STAG1: variants seen among roughly 807,000 people sequenced by gnomAD.
The protein encoded by STAG1 is cohesin subunit SA-1.
In STAG1, 26 loss-of-function variants were observed where a neutral mutation model predicts 170.9. The ratio of observed to expected loss-of-function variants is 0.15; its 90% CI spans 0.11 to 0.21. The LOEUF is 0.21. Ranked by LOEUF, STAG1 falls within the 10% of genes least tolerant of loss-of-function variation. The probability of loss-of-function intolerance (pLI) is 1.00; values close to 1 mark genes in which losing one functional copy is unlikely to be tolerated. For missense variants in STAG1, 964 were observed against 1,509.5 expected, an observed-to-expected ratio of 0.64 and a Z score of 5.99; for synonymous variants, 514 against 497.7, an observed-to-expected ratio of 1.03 and a Z score of -0.44.
chr3:136,560,851 C>G (rs1206056658), intron 5 of STAG1, among the ~76,000 whole-genome samples: 1 of 152,192 alleles, frequency 6.6e-6, no homozygotes, highest in African/African-American at 2.4e-5. Context: ...GTTGTTCATA[C>G]TATTCACTCA....
At chr3:136,385,973 C>A (rs554856667) in intron 22 of STAG1, among the ~76,000 whole-genome samples, 10 of 152,304 alleles carry the variant, frequency 6.6e-5, no homozygotes, top group African/African-American at 2.4e-4. Context: ...AAGCGCTGGG[C>A]TTACGGGCAT....
chr3:136,360,741 T>A (rs186049440), intron 26 of STAG1, among the ~76,000 whole-genome samples: 1 of 152,250 alleles, frequency 6.6e-6, no homozygotes, highest in East Asian at 1.9e-4. Flanking sequence ...TGATCTTGGC[T>A]CACTGCAAGC....
chr3:136,469,117 G>C (rs1437575467), intron 12 of STAG1, among the ~76,000 whole-genome samples: 3 of 152,238 alleles, frequency 2.0e-5, no homozygotes, highest in Non-Finnish European at 4.4e-5. Flanking sequence ...ATTCAACATA[G>C]TGTTGGAAGT....
Position 136,683,190 on chromosome 3 carries a change from A to G in STAG1, c.-83-52209T>C, listed in dbSNP as rs551107567. 2.0e-4 allele frequency among the ~76,000 whole-genome samples: 30 copies of G among 152,280 alleles called. No homozygotes were observed. In the South Asian group the frequency reaches 6.2e-3, roughly 32 times the overall value. ...AGTTCTAGAGATTGGTTGCACAACAATGGGAATATATTTAAATATTACCAA... is the reference window on the plus strand; with the variant it reads ...AGTTCTAGAGATTGGTTGCACAACAGTGGGAATATATTTAAATATTACCAA... On this transcript the variant is annotated intron_variant, in intron 1 of 33. Coordinates refer to ENST00000383202, the MANE Select transcript of STAG1 (RefSeq NM_005862.3).
chr3:136,377,386 CAAAA>C (rs57934830), intron 23 of STAG1, among the ~76,000 whole-genome samples: 2 of 42,582 alleles, frequency 4.7e-5, no homozygotes, highest in African/African-American at 1.2e-4. Flanking sequence ...GACTCTGTCT[CAAAA>C]AAAAAAAAAA....
intron 16 of STAG1, among the ~76,000 whole-genome samples, chr3:136,425,284 A>G (rs2088084429): frequency 6.6e-6 from 1 of 152,216 alleles, no homozygotes; most frequent in East Asian, 1.9e-4. Flanking sequence ...ACTGATTTCC[A>G]GGATACACTG....
chr3:136,719,974 C>T (rs1362655440), intron 1 of STAG1, among the ~76,000 whole-genome samples: 11 of 151,836 alleles, frequency 7.2e-5, no homozygotes, highest in African/African-American at 2.4e-4. Flanking sequence ...GCCAGGAGTT[C>T]GAGACCAGCA....
At chr3:136,435,330 A>G (rs933605077) in intron 15 of STAG1, among the ~76,000 whole-genome samples, 6 of 152,220 alleles carry the variant, frequency 3.9e-5, no homozygotes, top group African/African-American at 1.4e-4. Flanking sequence ...AGACAGGGAG[A>G]ATGAGCCACA....
At chr3:136,581,488 G>A (rs919693217) in intron 4 of STAG1, among the ~76,000 whole-genome samples, 3 of 152,044 alleles carry the variant, frequency 2.0e-5, no homozygotes, top group Non-Finnish European at 2.9e-5. Flanking sequence ...TCAAAGAAAC[G>A]CAAATAGACC....
intron 4 of STAG1, among the ~76,000 whole-genome samples, chr3:136,582,752 T>C (rs1450285300): frequency 1.3e-5 from 2 of 152,008 alleles, no homozygotes; most frequent in Admixed American, 6.5e-5. Context: ...TGAGCAGAGA[T>C]CAAGCCACTG....
intron 7 of STAG1, among the ~76,000 whole-genome samples, chr3:136,514,995 G>C (rs2107893129): frequency 6.6e-6 from 1 of 152,090 alleles, no homozygotes; most frequent in East Asian, 1.9e-4. Context: ...AACCAACATG[G>C]CACATGTATA....
chr3:136,411,688 C>T (rs1035409927), intron 21 of STAG1, among the ~76,000 whole-genome samples: 2 of 152,148 alleles, frequency 1.3e-5, no homozygotes, highest in African/African-American at 4.8e-5. Flanking sequence ...TGGTGGCTCA[C>T]ATCTGTAATC....
chr3:136,634,626 AAAG>A (rs1940477078), intron 1 of STAG1, among the ~76,000 whole-genome samples: 1 of 151,918 alleles, frequency 6.6e-6, no homozygotes, highest in Non-Finnish European at 1.5e-5. Flanking sequence ...AAAAAAAAAA[AAAG>A]CTCAAATAAA....
intron 9 of STAG1, among the ~76,000 whole-genome samples, chr3:136,484,331 C>G (rs1401573656): frequency 6.7e-6 from 1 of 148,966 alleles, no homozygotes; most frequent in Non-Finnish European, 1.5e-5. Flanking sequence ...GTTGGAATAC[C>G]CTGCCGTGTG....
At chr3:136,656,617 T>TGTG (rs1941381695) in intron 1 of STAG1, among the ~76,000 whole-genome samples, 2 of 143,294 alleles carry the variant, frequency 1.4e-5, no homozygotes, top group Non-Finnish European at 3.0e-5. Flanking sequence ...CTGTATTTAT[T>TGTG]TGTGTGTGTG....
intron 5 of STAG1, among the ~76,000 whole-genome samples, chr3:136,551,428 A>AATTTTTT (rs1936396829): frequency 8.5e-6 from 1 of 117,508 alleles, no homozygotes; most frequent in Admixed American, 9.7e-5. Flanking sequence ...CATCTGGCTA[A>AATTTTTT]TTTTTTTTTT....
intron 25 of STAG1, 87 bp from the exon 26 acceptor site, chr3:136,363,554 T>TTAA: frequency 3.0e-6 from 1 of 329,798 alleles, no homozygotes; most frequent in Non-Finnish European, 5.0e-6. Flanking sequence ...CCTTTGAAAA[T>TTAA]GAAAAAAAAA....
chr3:136,539,772 AT>A (rs1935802136), intron 6 of STAG1, among the ~76,000 whole-genome samples: 1 of 152,202 alleles, frequency 6.6e-6, no homozygotes, highest in Non-Finnish European at 1.5e-5. Context: ...GTTTATAGGT[AT>A]TTTAAAAAGA....
chr3:136,557,194 C>A (rs1474215054), intron 5 of STAG1, among the ~76,000 whole-genome samples: 1 of 152,016 alleles, frequency 6.6e-6, no homozygotes, highest in East Asian at 1.9e-4. Context: ...GTCAAGATCG[C>A]ACCACTGCAC....
Sources: gnomAD v4.1 joint callset for allele counts (sites outside exome capture counted in the v4.1 genomes callset) on GRCh38, gnomAD v4.1.1 for gene constraint, MANE v1.5 for transcripts, NCBI Gene and HGNC (gene_info 2026-07-23, HGNC 2026-07-21) for gene names.